The following ALK variants were observed in gnomAD, a reference collection of about 807,000 sequenced individuals.
The protein encoded by ALK is ALK receptor tyrosine kinase.
In ALK, 74 loss-of-function variants were observed where a neutral mutation model predicts 163.1. The observed-to-expected ratio is 0.45, with a 90% CI of 0.38 to 0.55. The LOEUF is 0.55. Ranked by LOEUF, ALK falls within the 20% of genes least tolerant of loss-of-function variation. The pLI is 0.00. For synonymous variants in ALK, 960 were observed against 843.2 expected (o/e 1.14, Z -2.40); for missense variants, 2,063 against 2,105.3 (o/e 0.98, Z 0.39).
At chr2:29,385,547 A>G (rs1451201221) in intron 4 of ALK, among the ~76,000 whole-genome samples, 2 of 151,976 alleles carry the variant, frequency 1.3e-5, no homozygotes, top group Non-Finnish European at 2.9e-5. Flanking sequence ...GAGCCACCAC[A>G]CCTGGATAAT....
At chr2:29,194,366 C>T (rs2148139610) in intron 28 of ALK, among the ~76,000 whole-genome samples, 1 of 152,162 alleles carries the variant, frequency 6.6e-6, no homozygotes, top group Admixed American at 6.5e-5. Flanking sequence ...GGAGAGGAGA[C>T]ACATGCCATG....
intron 3 of ALK, among the ~76,000 whole-genome samples, chr2:29,667,316 G>A (rs1677542962): frequency 6.6e-6 from 1 of 151,940 alleles, no homozygotes; most frequent in South Asian, 2.1e-4. Flanking sequence ...TTATTTCTCT[G>A]AATAAATTAC....
rs1460678339 is a variant in ALK at position 29,530,943 on chromosome 2, A to G, written c.1154+972T>C. Among the ~76,000 whole-genome samples the G allele has an allele frequency of 2.0e-5, 3 of 152,224 alleles. 1 individual carries two copies. On this transcript the variant is annotated intron_variant, in intron 4 of 28. Coordinates refer to ENST00000389048, the MANE Select transcript of ALK (RefSeq NM_004304.5). Reference sequence around the variant, plus strand: ...AGTCCTTCTAAGTGCAACTAAATACAGATGGGTTAATGGCTGGGAGTGGGG... The same window carrying G: ...AGTCCTTCTAAGTGCAACTAAATACGGATGGGTTAATGGCTGGGAGTGGGG...
At chr2:29,828,639 C>T (rs573917463) in intron 1 of ALK, among the ~76,000 whole-genome samples, 23 of 152,226 alleles carry the variant, frequency 1.5e-4, no homozygotes, top group African/African-American at 5.1e-4. Context: ...GTTAGAATGG[C>T]GATCATTAAA....
chr2:29,863,069 A>G (rs1226624680), intron 1 of ALK, among the ~76,000 whole-genome samples: 2 of 152,228 alleles, frequency 1.3e-5, no homozygotes, highest in African/African-American at 4.8e-5. Context: ...CATACGCAGA[A>G]GAATAAATTG....
chr2:29,527,702 TG>T (rs533811567), intron 4 of ALK, among the ~76,000 whole-genome samples: 2 of 152,020 alleles, frequency 1.3e-5, no homozygotes, highest in African/African-American at 4.8e-5. Context: ...TTGTAGAGGT[TG>T]GGGGTCTCGC....
At chr2:29,604,381 G>A (rs773275402) in intron 3 of ALK, among the ~76,000 whole-genome samples, 2 of 152,066 alleles carry the variant, frequency 1.3e-5, no homozygotes, top group African/African-American at 4.8e-5. Flanking sequence ...GCAGAGAAGG[G>A]CCATGCTGAA....
intron 1 of ALK, among the ~76,000 whole-genome samples, chr2:29,728,635 C>T (rs889492866): frequency 9.2e-5 from 14 of 152,154 alleles, no homozygotes; most frequent in African/African-American, 2.9e-4. Flanking sequence ...CTGATGCTTG[C>T]ACTGAGGCCC....
intron 1 of ALK, among the ~76,000 whole-genome samples, chr2:29,729,415 G>C (rs1374737009): frequency 6.6e-6 from 1 of 152,208 alleles, no homozygotes; most frequent in East Asian, 1.9e-4. Flanking sequence ...CTGCAACAAA[G>C]AAGGGAAGAA....
In ALK at chr2:29,192,836, A is replaced by C. The variant is rs1668904007; in HGVS notation, c.*388T>G. On this transcript the variant is annotated 3_prime_UTR_variant, in exon 29 of 29. Coordinates refer to ENST00000389048, the MANE Select transcript of ALK (RefSeq NM_004304.5). ...CTCCCCTCAAATGGCTCATGTCCAC[A>C]TCAACAAGGCAAGGAAACATCTATG... 11 of 363,276 alleles carry C rather than the reference A, an allele frequency of 3.0e-5. No homozygotes were observed. In the East Asian group the frequency reaches 5.0e-4, roughly 17 times the overall value. The allele number at this position is 363,276 out of a possible 1,614,324, so 22.5% of individuals were successfully genotyped here.
At chr2:29,536,243 G>A (rs1458960662) in intron 3 of ALK, among the ~76,000 whole-genome samples, 1 of 152,152 alleles carries the variant, frequency 6.6e-6, no homozygotes, top group Non-Finnish European at 1.5e-5. Flanking sequence ...CTGGTGGGAG[G>A]TGACTGGATC....
intron 26 of ALK, 89 bp downstream of exon 26, chr2:29,207,082 C>A (rs901891354): frequency 1.0e-6 from 1 of 1,000,022 alleles, no homozygotes; most frequent in Non-Finnish European, 1.6e-6. Flanking sequence ...TACTAACACA[C>A]GGGCTCCCGG....
chr2:29,523,240 C>T (rs965214843), intron 4 of ALK, among the ~76,000 whole-genome samples: 6 of 152,188 alleles, frequency 3.9e-5, no homozygotes, highest in Non-Finnish European at 8.8e-5. Context: ...CATCATCCAC[C>T]TGACACCCCT....
intron 7 of ALK, 124 bp from the exon 8 acceptor site, chr2:29,318,528 C>T: frequency 1.4e-6 from 1 of 727,610 alleles, no homozygotes; most frequent in South Asian, 1.6e-5. Context: ...AAACAGGTTT[C>T]TGGCCTGCAA....
rs201533755 is a variant in ALK, at chr2:29,522,573, C to CAA, written c.1154+9340_1154+9341dup. 8.2e-3 allele frequency among the ~76,000 whole-genome samples: 1,244 copies of CAA among 152,178 alleles called. 18 individuals carry two copies. Among genetic ancestry groups the CAA allele is most frequent in the African/African-American group, 0.029 (1,189 of 41,516 alleles). On this transcript the variant is annotated intron_variant, in intron 4 of 28. Coordinates refer to ENST00000389048, the MANE Select transcript of ALK (RefSeq NM_004304.5). ...GGTCCCTGTTGACTGTAGGGAGAGA[C>CAA]AAGCTGGTAACTGAATGGTCACAAG...
chr2:29,316,286 G>A (rs1042446638), intron 8 of ALK, among the ~76,000 whole-genome samples: 14 of 152,098 alleles, frequency 9.2e-5, no homozygotes, highest in Non-Finnish European at 1.6e-4. Flanking sequence ...ACCTGAATGT[G>A]AAATCATATG....
At chr2:29,838,278 A>C (rs1665614505) in intron 1 of ALK, among the ~76,000 whole-genome samples, 1 of 152,180 alleles carries the variant, frequency 6.6e-6, no homozygotes, top group Non-Finnish European at 1.5e-5. Flanking sequence ...AAAGTGAGAC[A>C]AAAAGTTGGG....
rs145500019 is a variant in ALK, at chr2:29,404,084, G to A, written c.1155-20225C>T. Among the ~76,000 whole-genome samples, 262 of 152,110 alleles carry A rather than the reference G, an allele frequency of 1.7e-3. 1 individual carries two copies. Among genetic ancestry groups the A allele is most frequent in the African/African-American group, 6.0e-3 (247 of 41,484 alleles). ...TTTGGGAGGCTGAGGTGGGTGGATC[G>A]TCTGAGGTTAAGAGTTTGAGACCAG... is the stretch of plus-strand genomic sequence containing the variant. On this transcript the variant is annotated intron_variant, in intron 4 of 28. Coordinates refer to ENST00000389048, the MANE Select transcript of ALK (RefSeq NM_004304.5).
rs1379529516 is a variant in ALK at position 29,233,697 on chromosome 2, C to G, written c.2356-1G>C. ...AGACTTTCTGGATTAACTGGTTTGT[C>G]TGTAGAAACAAAAAGCACGTTAGGT... On this transcript the variant is annotated splice_acceptor_variant, in intron 13 of 28. Coordinates refer to ENST00000389048, the MANE Select transcript of ALK (RefSeq NM_004304.5). LOFTEE classifies it high-confidence loss of function. 1 of 1,614,232 alleles carries G rather than the reference C, an allele frequency of 6.2e-7. No homozygotes were observed. Among genetic ancestry groups the G allele is most frequent in the Non-Finnish European group, 8.5e-7 (1 of 1,180,040 alleles).
Sources: allele counts gnomAD v4.1 joint callset (sites outside exome capture counted in the v4.1 genomes callset), GRCh38; gene constraint gnomAD v4.1.1; transcripts MANE v1.5; gene names NCBI Gene and HGNC (gene_info 2026-07-23, HGNC 2026-07-21).